UNC5A: variants seen among roughly 807,000 people sequenced by gnomAD.
UNC5A encodes netrin receptor UNC5A.
UNC5A carries 20 observed loss-of-function variants against 87.4 expected under a neutral mutation model. That is an observed-to-expected ratio of 0.23 (90% CI 0.16 to 0.33). The LOEUF (loss-of-function observed/expected upper bound fraction) is 0.33, where lower values mean the gene tolerates loss of function less well. Ranked by LOEUF, UNC5A falls within the 10% of genes least tolerant of loss-of-function variation. The probability of loss-of-function intolerance (pLI) is 1.00; values close to 1 mark genes in which losing one functional copy is unlikely to be tolerated. For missense variants in UNC5A, 844 were observed against 1,133.4 expected (o/e 0.74, Z 3.67); for synonymous variants, 438 against 482.3 (o/e 0.91, Z 1.20).
At chr5:176,854,920 CT>C (rs374045396) in intron 1 of UNC5A, among the ~76,000 whole-genome samples, 83 of 152,340 alleles carry the variant, frequency 5.4e-4, no homozygotes, top group South Asian at 5.0e-3. Context: ...TCAGGGCAGG[CT>C]TCCTGGAGGA....
chr5:176,832,555 T>G (rs944594214), intron 1 of UNC5A, among the ~76,000 whole-genome samples: 2 of 152,182 alleles, frequency 1.3e-5, no homozygotes, highest in African/African-American at 4.8e-5. Flanking sequence ...GAAGGCCCTG[T>G]GTGGTGTGTG....
intron 1 of UNC5A, among the ~76,000 whole-genome samples, chr5:176,860,127 C>T (rs74463943): frequency 0.098 from 14,920 of 152,264 alleles, 896 homozygotes; most frequent in East Asian, 0.2. Flanking sequence ...CACCCAGCTC[C>T]CCCGCCAAGA....
At chr5:176,836,292 T>G (rs1171415495) in intron 1 of UNC5A, among the ~76,000 whole-genome samples, 2 of 152,190 alleles carry the variant, frequency 1.3e-5, no homozygotes, top group Non-Finnish European at 2.9e-5. Context: ...GAGTGAGGGA[T>G]GCCAGTACCC....
chr5:176,875,173 C>A lies in UNC5A; in HGVS notation c.1378+607C>A, dbSNP rs1758230814. On this transcript the variant is annotated intron_variant, in intron 8 of 14. Coordinates refer to ENST00000329542, the MANE Select transcript of UNC5A (RefSeq NM_133369.3). This position sits in a 1 kb window ranked among gnomAD's most constrained non-coding sequence, Gnocchi z 5.2. ...CCGAGCTCCCTCCCAGTGCCCTTCTCCCCGAGCGGCCTCGCCCACTCCATG... is the reference window on the plus strand; with the variant it reads ...CCGAGCTCCCTCCCAGTGCCCTTCTACCCGAGCGGCCTCGCCCACTCCATG... Among the ~76,000 whole-genome samples, 1 of 152,182 alleles carries A rather than the reference C, an allele frequency of 6.6e-6. No individual in the cohort carries two copies. The highest frequency in any genetic ancestry group is 6.5e-5 in the Admixed American group (1 of 15,280).
chr5:176,829,131 CAAA>C (rs70991572), intron 1 of UNC5A, among the ~76,000 whole-genome samples: 32 of 89,186 alleles, frequency 3.6e-4, no homozygotes, highest in African/African-American at 9.1e-4. Flanking sequence ...GACTCCATCT[CAAA>C]AAAAAAAAAA....
chr5:176,825,871 C>T (rs1358737374), intron 1 of UNC5A, among the ~76,000 whole-genome samples: 2 of 152,190 alleles, frequency 1.3e-5, no homozygotes, highest in African/African-American at 2.4e-5. Flanking sequence ...CACCTGCTGG[C>T]GCCAGGCCCG....
At chr5:176,853,076 A>T (rs902390875) in intron 1 of UNC5A, among the ~76,000 whole-genome samples, 1 of 152,266 alleles carries the variant, frequency 6.6e-6, no homozygotes, top group Non-Finnish European at 1.5e-5. Flanking sequence ...GGGACGGGTT[A>T]GAGCAGGCAG....
At chr5:176,842,212 C>A (rs761171754) in intron 1 of UNC5A, among the ~76,000 whole-genome samples, 7 of 152,096 alleles carry the variant, frequency 4.6e-5, no homozygotes, top group Non-Finnish European at 7.4e-5. Context: ...AAAACAAAAT[C>A]AAAAAACAGT....
At chr5:176,857,740 G>A (rs1309473977) in intron 1 of UNC5A, among the ~76,000 whole-genome samples, 4 of 152,214 alleles carry the variant, frequency 2.6e-5, no homozygotes, top group Middle Eastern at 3.2e-3. Flanking sequence ...TTCAGGGCTT[G>A]AGTCATCCAC....
chr5:176,859,741 CCTTGCTAGAGGGCATAGCTGCTAGAATGT>C (rs1757784932), intron 1 of UNC5A, among the ~76,000 whole-genome samples: 1 of 91,184 alleles, frequency 1.1e-5, no homozygotes, highest in African/African-American at 2.7e-5. Context: ...AGAATGATGT[CCTTGCTAGAGGGCATAGCTGCTAGAATGT>C]CCTTGCTAGA....
At chr5:176,878,708 C>T (rs1044502746) in intron 13 of UNC5A, 69 bp downstream of exon 13, 69 of 1,542,192 alleles carry the variant, frequency 4.5e-5, no homozygotes, top group Middle Eastern at 2.1e-4. Context: ...GCCCCCAAAA[C>T]GCTCCTGCCC....
intron 1 of UNC5A, among the ~76,000 whole-genome samples, chr5:176,813,214 C>G (rs1756511859): frequency 6.6e-6 from 1 of 152,246 alleles, no homozygotes; most frequent in Non-Finnish European, 1.5e-5. Context: ...AACCCCCACC[C>G]TGCCCCTGTG....
At chr5:176,850,094 C>A (rs573910648) in intron 1 of UNC5A, among the ~76,000 whole-genome samples, 2 of 152,368 alleles carry the variant, frequency 1.3e-5, no homozygotes, top group South Asian at 2.1e-4. Flanking sequence ...GCAAGCCATG[C>A]AGCCCCACGT....
chr5:176,879,618 G>A (rs1758366889), intron 14 of UNC5A, 103 bp from the exon 15 acceptor site: 1 of 1,553,122 alleles, frequency 6.4e-7, no homozygotes, highest in Non-Finnish European at 8.7e-7. Flanking sequence ...GGCAGTCATT[G>A]TGTTTGGCTT....
At chr5:176,860,976 C>T (rs1217969454) in intron 1 of UNC5A, among the ~76,000 whole-genome samples, 1 of 152,234 alleles carries the variant, frequency 6.6e-6, no homozygotes, top group Middle Eastern at 3.4e-3. Flanking sequence ...GACCCAGCAG[C>T]GGACAAACTG....
intron 1 of UNC5A, among the ~76,000 whole-genome samples, chr5:176,861,851 C>G (rs1479001594): frequency 8.5e-5 from 13 of 152,206 alleles, no homozygotes; most frequent in Admixed American, 5.9e-4. Context: ...CAAAGGGCAG[C>G]TGGGGGTTGT....
At position 176,877,502 on chromosome 5, in the gene UNC5A, C is replaced by A. The variant is rs762518988; in HGVS notation, c.1467-33C>A. ...AGGACCCAGGATGGGCCACTGACAC[C>A]TTTCCCTCCCCACCCATATTTCCCC... On this transcript the variant is annotated intron_variant, in intron 9 of 14. Transcript: ENST00000329542. The A allele has an allele frequency of 3.2e-6, 5 of 1,558,804 alleles. No homozygotes were observed. The African/African-American group carries it at 6.8e-5, about 21-fold the overall frequency.
intron 1 of UNC5A, among the ~76,000 whole-genome samples, chr5:176,837,903 A>T (rs964852703): frequency 6.6e-6 from 1 of 151,858 alleles, no homozygotes; most frequent in Admixed American, 6.6e-5. Flanking sequence ...TAACCTCCGG[A>T]CTCTGCTTCC....
Position 176,879,349 on chromosome 5 carries a change from G to A in UNC5A, c.2224G>A (p.Ala742Thr). Residue 742 changes from alanine (A) to threonine (T), a missense_variant, in exon 14 of 15, where the codon GCG becomes ACG. Ala to Thr is a moderately conservative substitution (Grantham distance 58, BLOSUM62 0). Transcript: ENST00000329542. ...TGAGCTGCTGGCTCTGGAGAGTGAA[G>A]CGGGGGTCCCAGCCCTGGTGGGCCC... ...FAELLALESEAGVPALVGPSA... is the reference protein window; with the variant it reads ...FAELLALESETGVPALVGPSA... The A allele has an allele frequency of 6.2e-7, 1 of 1,611,882 alleles. No individual in the cohort carries two copies. Among genetic ancestry groups the A allele is most frequent in the African/African-American group, 1.3e-5 (1 of 74,976 alleles).
Sources: gnomAD v4.1 joint callset for allele counts (sites outside exome capture counted in the v4.1 genomes callset) on GRCh38, gnomAD v4.1.1 for gene constraint, Gnocchi (gnomAD v3.1) non-coding constraint, MANE v1.5 for transcripts, NCBI Gene and HGNC (gene_info 2026-07-23, HGNC 2026-07-21) for gene names.